The following ASTN2 variants were observed in gnomAD, a reference collection of about 807,000 sequenced individuals.
ASTN2 encodes astrotactin 2, also known as astrotactin-2.
Under a neutral mutation model 139.8 loss-of-function variants are expected in ASTN2, and 54 were observed. That is an observed-to-expected ratio of 0.39 (90% CI 0.31 to 0.48). The LOEUF (loss-of-function observed/expected upper bound fraction) is 0.48, where lower values mean the gene tolerates loss of function less well. Among genes scored for constraint, ASTN2 ranks in the 20% least tolerant of loss-of-function variants. The pLI, the probability that ASTN2 is intolerant of heterozygous loss-of-function variation, is 0.95. For synonymous variants in ASTN2, 756 were observed against 719.5 expected (o/e 1.05, Z -0.81); for missense variants, 1,565 against 1,725.1 (o/e 0.91, Z 1.64).
At chr9:117,107,906 G>A (rs561882724) in intron 4 of ASTN2, among the ~76,000 whole-genome samples, 1 of 152,042 alleles carries the variant, frequency 6.6e-6, no homozygotes, top group African/African-American at 2.4e-5. Flanking sequence ...TACTTTTTTG[G>A]TCCTAATCTT....
chr9:116,955,942 T>C (rs1411991543), intron 10 of ASTN2, among the ~76,000 whole-genome samples: 4 of 152,196 alleles, frequency 2.6e-5, no homozygotes, highest in African/African-American at 9.7e-5. Flanking sequence ...CATGCTATCA[T>C]GGGGAAGGAC....
intron 3 of ASTN2, among the ~76,000 whole-genome samples, chr9:117,191,611 T>C (rs761702832): frequency 6.6e-5 from 10 of 152,196 alleles, no homozygotes; most frequent in Non-Finnish European, 1.2e-4. Flanking sequence ...GCTGGTTCTT[T>C]GTCAGAGGCA....
intron 19 of ASTN2, among the ~76,000 whole-genome samples, chr9:116,616,199 T>C (rs1190440059): frequency 6.6e-6 from 1 of 152,212 alleles, no homozygotes; most frequent in East Asian, 1.9e-4. Flanking sequence ...AGTGGAGGCA[T>C]GTAATCAGTG....
intron 7 of ASTN2, among the ~76,000 whole-genome samples, chr9:116,977,275 T>C (rs905454772): frequency 2.0e-5 from 3 of 152,228 alleles, no homozygotes; most frequent in Admixed American, 6.5e-5. Context: ...ATTTCCCCTT[T>C]CAGAAAAACC....
intron 10 of ASTN2, among the ~76,000 whole-genome samples, chr9:116,879,524 T>C (rs1310261069): frequency 3.9e-5 from 6 of 152,166 alleles, no homozygotes; most frequent in Admixed American, 3.3e-4. Flanking sequence ...AGTTTCCTCA[T>C]ACATAAATCA....
chr9:117,124,318 A>G (rs1447197926), intron 4 of ASTN2, among the ~76,000 whole-genome samples: 3 of 152,118 alleles, frequency 2.0e-5, no homozygotes, highest in Non-Finnish European at 4.4e-5. Flanking sequence ...CCCACTCCAC[A>G]TTCCTGAATT....
chr9:117,085,144 T>C (rs1828528174), intron 5 of ASTN2, among the ~76,000 whole-genome samples: 2 of 152,144 alleles, frequency 1.3e-5, no homozygotes, highest in South Asian at 4.1e-4. Flanking sequence ...TTGGATGTTG[T>C]AGTTTGCTTT....
At chr9:116,613,108 A>C (rs1188801600) in intron 19 of ASTN2, 1 of 152,244 alleles carries the variant, frequency 6.6e-6, no homozygotes, top group Admixed American at 6.5e-5. Flanking sequence ...TATGCAAATA[A>C]ACTAGAAAAT....
intron 10 of ASTN2, among the ~76,000 whole-genome samples, chr9:116,893,724 T>C (rs555111661): frequency 6.6e-6 from 1 of 152,184 alleles, no homozygotes; most frequent in East Asian, 1.9e-4. Context: ...CCTCCTCACC[T>C]TAGTAATTAT....
intron 10 of ASTN2, among the ~76,000 whole-genome samples, chr9:116,966,127 C>T (rs776787197): frequency 7.2e-5 from 11 of 152,154 alleles, no homozygotes; most frequent in South Asian, 6.2e-4. Context: ...GATCTGTAGA[C>T]GTGTCTCAAC....
intron 13 of ASTN2, among the ~76,000 whole-genome samples, chr9:116,760,151 CCT>C (rs1829639162): frequency 6.6e-6 from 1 of 152,196 alleles, no homozygotes; most frequent in African/African-American, 2.4e-5. Flanking sequence ...GATCTTTCAT[CCT>C]CTCCAGGTAG....
At chr9:116,676,618 ATAGT>A (rs1224480269) in intron 16 of ASTN2, among the ~76,000 whole-genome samples, 1 of 152,228 alleles carries the variant, frequency 6.6e-6, no homozygotes, top group African/African-American at 2.4e-5. Context: ...GGCTCATGTC[ATAGT>A]TAGCCATAAA....
At chr9:116,509,507 C>A (rs1314319310) in intron 19 of ASTN2, among the ~76,000 whole-genome samples, 2 of 152,146 alleles carry the variant, frequency 1.3e-5, no homozygotes, top group Non-Finnish European at 2.9e-5. Flanking sequence ...GACTTATAAT[C>A]CTTTGGGTAT....
Position 117,211,928 on chromosome 9 carries a change from C to T in ASTN2, c.1015+2430G>A, listed in dbSNP as rs957467406. ...AGAGGATACAAAAAAATGAAAAGAC[C>T]TCCCATGCTCATGCAATCTTGAGAA... On this transcript the variant is annotated intron_variant, in intron 3 of 22. Transcript: ENST00000313400. Among the ~76,000 whole-genome samples the T allele has an allele frequency of 1.0e-3, 35 of 33,448 alleles. 2 individuals are homozygous for T. Among genetic ancestry groups the T allele is most frequent in the African/African-American group, 3.0e-3 (35 of 11,508 alleles). 21.9% of individuals were successfully genotyped at this position (33,448 alleles called of 152,430 possible). A position where few individuals can be genotyped will look rare whatever the true frequency, so the allele number is the denominator to read the frequency against.
intron 19 of ASTN2, among the ~76,000 whole-genome samples, chr9:116,616,036 T>C (rs1855835797): frequency 6.6e-6 from 1 of 152,182 alleles, no homozygotes; most frequent in South Asian, 2.1e-4. Flanking sequence ...CTGTTCAATA[T>C]AGTACTAAAA....
chr9:116,562,516 C>A (rs1448484703), intron 19 of ASTN2, among the ~76,000 whole-genome samples: 1 of 151,700 alleles, frequency 6.6e-6, no homozygotes, highest in African/African-American at 2.4e-5. Context: ...GCGGGCGGAT[C>A]ACCTGAGGTC....
chr9:117,294,084 C>G (rs754536512), intron 1 of ASTN2, among the ~76,000 whole-genome samples: 1 of 152,230 alleles, frequency 6.6e-6, no homozygotes, highest in Non-Finnish European at 1.5e-5. Context: ...AGAGGCTTCC[C>G]CTTTCCATGT....
At chr9:116,976,924 C>T (rs55644319) in intron 7 of ASTN2, 139 bp from the exon 8 acceptor site, 25,689 of 670,814 alleles carry the variant, frequency 0.038, 877 homozygotes, top group African/African-American at 0.13. Context: ...TAATCTTGTC[C>T]ATCAACCACT....
chr9:117,126,437 G>A (rs531706241), intron 4 of ASTN2, among the ~76,000 whole-genome samples: 84 of 152,328 alleles, frequency 5.5e-4, no homozygotes, highest in African/African-American at 1.9e-3. Flanking sequence ...GTAAGGGTTA[G>A]AGAAAGGTTG....
Sources: allele counts gnomAD v4.1 joint callset (sites outside exome capture counted in the v4.1 genomes callset), GRCh38; gene constraint gnomAD v4.1.1; transcripts MANE v1.5; gene names NCBI Gene and HGNC (gene_info 2026-07-23, HGNC 2026-07-21).